COL4A2: variants seen among roughly 807,000 people sequenced by gnomAD.
The protein encoded by COL4A2 is collagen alpha-2(IV) chain.
A neutral mutation model predicts 200.2 loss-of-function variants in COL4A2; 99 were observed. The observed-to-expected ratio is 0.49, with a 90% CI of 0.42 to 0.58. The LOEUF is 0.58. COL4A2 is among the 20% of genes least tolerant of loss of function. The probability of loss-of-function intolerance (pLI) is 0.00; values close to 1 mark genes in which losing one functional copy is unlikely to be tolerated. For synonymous variants in COL4A2, 897 were observed against 900.6 expected, an observed-to-expected ratio of 1.00 and a Z score of 0.07; for missense variants, 1,950 against 2,314.1, an observed-to-expected ratio of 0.84 and a Z score of 3.23.
intron 4 of COL4A2, among the ~76,000 whole-genome samples, chr13:110,398,468 G>A (rs1286439217): frequency 2.6e-5 from 4 of 152,098 alleles, no homozygotes; most frequent in Non-Finnish European, 4.4e-5. Flanking sequence ...AGACCAGCCC[G>A]GTCAACATGG....
At chr13:110,498,482 G>T (rs942229469) in intron 40 of COL4A2, among the ~76,000 whole-genome samples, 7 of 152,076 alleles carry the variant, frequency 4.6e-5, no homozygotes, top group Admixed American at 1.3e-4. Context: ...CATAGAGGGG[G>T]GTCACAGAAC....
chr13:110,489,186 T>C (rs1446453759), intron 34 of COL4A2, among the ~76,000 whole-genome samples: 1 of 152,150 alleles, frequency 6.6e-6, no homozygotes, highest in African/African-American at 2.4e-5. Context: ...CATTGAGCTA[T>C]GATTGTGCTT....
At chr13:110,472,183 T>A (rs1882497215) in intron 28 of COL4A2, among the ~76,000 whole-genome samples, 1 of 150,744 alleles carries the variant, frequency 6.6e-6, no homozygotes, top group Admixed American at 6.7e-5. Context: ...TGGTGCGATC[T>A]TGGCTCACTG....
At chr13:110,490,972 C>A (rs968058235) in intron 36 of COL4A2, among the ~76,000 whole-genome samples, 2 of 152,148 alleles carry the variant, frequency 1.3e-5, no homozygotes, top group African/African-American at 4.8e-5. Flanking sequence ...CCAGCTGTAC[C>A]CATCATCCCT....
intron 4 of COL4A2, among the ~76,000 whole-genome samples, chr13:110,410,482 A>G (rs759694431): frequency 3.9e-5 from 6 of 152,138 alleles, no homozygotes; most frequent in Non-Finnish European, 8.8e-5. Context: ...CAAGTTCACC[A>G]TCTGATGTAT....
At chr13:110,431,705 C>T (rs1250151798) in intron 10 of COL4A2, among the ~76,000 whole-genome samples, 1 of 152,338 alleles carries the variant, frequency 6.6e-6, no homozygotes, top group African/African-American at 2.4e-5. Flanking sequence ...GCTCTGACAG[C>T]TTTTGGTTCT....
intron 16 of COL4A2, 31 bp from the exon 17 acceptor site, chr13:110,445,798 C>G: frequency 6.2e-7 from 1 of 1,613,906 alleles, no homozygotes; most frequent in Non-Finnish European, 8.5e-7. Flanking sequence ...ACATCAGAGA[C>G]AAAAATTAAA....
At chr13:110,411,344 A>T (rs1364083130) in intron 4 of COL4A2, among the ~76,000 whole-genome samples, 6 of 152,228 alleles carry the variant, frequency 3.9e-5, no homozygotes, top group African/African-American at 1.2e-4. Flanking sequence ...TTCAACAACG[A>T]ATCTGTTCAG....
intron 34 of COL4A2, among the ~76,000 whole-genome samples, chr13:110,487,919 T>C (rs1452208425): frequency 6.6e-6 from 1 of 152,182 alleles, no homozygotes; most frequent in Non-Finnish European, 1.5e-5. Context: ...TGTATTTAAG[T>C]TTTGCTTCAG....
intron 21 of COL4A2, chr13:110,457,647 C>T (rs959801271): frequency 3.0e-6 from 2 of 675,844 alleles, no homozygotes; most frequent in East Asian, 3.0e-5. Flanking sequence ...CCAGGCTCAC[C>T]GTCCCTGCTC....
chr13:110,407,266 C>T (rs899930703), intron 4 of COL4A2, among the ~76,000 whole-genome samples: 67 of 152,190 alleles, frequency 4.4e-4, no homozygotes, highest in Non-Finnish European at 1.5e-4. Flanking sequence ...GAGAAGCTCC[C>T]GCCTGGGACA....
At chr13:110,404,926 G>A (rs1311962908) in intron 4 of COL4A2, among the ~76,000 whole-genome samples, 1 of 152,184 alleles carries the variant, frequency 6.6e-6, no homozygotes, top group Non-Finnish European at 1.5e-5. Context: ...GAGCTCAGGA[G>A]CTCAAGACCA....
In COL4A2 at chr13:110,339,487, C is replaced by T. The variant is rs1244626226; in HGVS notation, c.100-17985C>T. The stretch of plus-strand genomic sequence containing the variant: ...GGTCAGTCTCAAACGAGTTTACTGC[C>T]TCCGACCCAATTGTGAGGACTGAGC... On this transcript the variant is annotated intron_variant, in intron 3 of 47. Transcript: ENST00000360467. Among the ~76,000 whole-genome samples, 3 of 152,280 alleles carry T rather than the reference C, an allele frequency of 2.0e-5. No individual in the cohort carries two copies. In the East Asian group the frequency reaches 5.8e-4, roughly 29 times the overall value.
chr13:110,438,609 C>G lies in COL4A2; in HGVS notation c.862-9C>G, dbSNP rs1880995298. On this transcript the variant is annotated splice_polypyrimidine_tract_variant and intron_variant, in intron 14 of 47. Coordinates refer to ENST00000360467, the MANE Select transcript of COL4A2 (RefSeq NM_001846.4). ...GGTTGCTCCTTACGCCCCCTCTGCT[C>G]TCTCCTAGGGCATTTCCTTGAAGGG... 3.7e-6 allele frequency: 6 copies of G among 1,614,084 alleles called. No homozygotes were observed. The highest frequency in any genetic ancestry group is 3.4e-6 in the Non-Finnish European group (4 of 1,180,040).
At chr13:110,500,972 G>C (rs1883617446) in intron 40 of COL4A2, among the ~76,000 whole-genome samples, 1 of 152,166 alleles carries the variant, frequency 6.6e-6, no homozygotes, top group South Asian at 2.1e-4. Context: ...TGGAAAACAG[G>C]GCACTACAGA....
intron 4 of COL4A2, among the ~76,000 whole-genome samples, chr13:110,419,126 G>C (rs1880149898): frequency 6.6e-6 from 1 of 152,212 alleles, no homozygotes; most frequent in Admixed American, 6.5e-5. Context: ...ACACACTGCG[G>C]AAGGGAGGGA....
chr13:110,336,992 A>T (rs545518808), intron 3 of COL4A2, among the ~76,000 whole-genome samples: 2 of 152,220 alleles, frequency 1.3e-5, no homozygotes, highest in African/African-American at 2.4e-5. Flanking sequence ...GAAGTTCCCA[A>T]ATGTTGCTCT....
intron 34 of COL4A2, among the ~76,000 whole-genome samples, chr13:110,488,431 C>T (rs1001108349): frequency 6.6e-6 from 1 of 152,190 alleles, no homozygotes; most frequent in Admixed American, 6.6e-5. Context: ...CTCATGCTCC[C>T]TCTGGGGAGG....
chr13:110,478,921 C>T (rs946274821), intron 30 of COL4A2, among the ~76,000 whole-genome samples: 2 of 152,258 alleles, frequency 1.3e-5, no homozygotes, highest in Admixed American at 6.5e-5. Context: ...TGGTTTGCCA[C>T]AGTCAGGCAA....
Sources: allele counts gnomAD v4.1 joint callset (sites outside exome capture counted in the v4.1 genomes callset), GRCh38; gene constraint gnomAD v4.1.1; transcripts MANE v1.5; gene names NCBI Gene and HGNC (gene_info 2026-07-23, HGNC 2026-07-21).